NDUFAF2: variants seen among roughly 807,000 people sequenced by gnomAD.
The protein encoded by NDUFAF2 is NADH dehydrogenase [ubiquinone] 1 alpha subcomplex assembly factor 2.
NDUFAF2 carries 13 observed loss-of-function variants against 22.8 expected under a neutral mutation model. The observed-to-expected ratio is 0.57, with a 90% CI of 0.37 to 0.91. NDUFAF2 has a LOEUF of 0.91. Among genes scored for constraint, NDUFAF2 ranks in the 40% least tolerant of loss-of-function variants. NDUFAF2 has a pLI of 0.01. For missense variants in NDUFAF2, 162 were observed against 195.2 expected, an observed-to-expected ratio of 0.83 and a Z score of 1.01; for synonymous variants, 53 against 64.2, an observed-to-expected ratio of 0.83 and a Z score of 0.84.
intron 3 of NDUFAF2, among the ~76,000 whole-genome samples, chr5:61,105,377 A>G (rs1485808696): frequency 2.6e-5 from 4 of 151,286 alleles, no homozygotes; most frequent in African/African-American, 4.9e-5. Flanking sequence ...CATTTTATGT[A>G]TAGAATCCTA....
In NDUFAF2 at chr5:60,982,431, GGTACAT is replaced by G. The variant is rs202016086; in HGVS notation, c.127+37055_127+37060del. ...TTTTTTGTTATACTTTAAGTTTTAG[GGTACAT>G]GTACACAACGTACAGGTTTGTTACA... On this transcript the variant is annotated intron_variant, in intron 1 of 3. Transcript: ENST00000296597. 2.7e-3 allele frequency among the ~76,000 whole-genome samples: 407 copies of G among 151,698 alleles called. 17 individuals are homozygous for G. The East Asian group carries it at 0.074, about 28-fold the overall frequency.
intron 1 of NDUFAF2, among the ~76,000 whole-genome samples, chr5:60,994,792 C>G (rs923677232): frequency 2.0e-5 from 3 of 152,148 alleles, no homozygotes. Flanking sequence ...ACTTTTATCT[C>G]TTTCTGCCTC....
chr5:61,090,677 T>C (rs1752555407), intron 2 of NDUFAF2, among the ~76,000 whole-genome samples: 1 of 152,068 alleles, frequency 6.6e-6, no homozygotes, highest in Non-Finnish European at 1.5e-5. Context: ...CATAAGTAAC[T>C]TTATTTTTAA....
At chr5:60,960,651 A>G (rs1307385183) in intron 1 of NDUFAF2, among the ~76,000 whole-genome samples, 2 of 152,204 alleles carry the variant, frequency 1.3e-5, no homozygotes, top group African/African-American at 4.8e-5. Flanking sequence ...GTATCTTCAG[A>G]ACTATATGTC....
At chr5:61,088,136 A>G (rs1010157673) in intron 2 of NDUFAF2, among the ~76,000 whole-genome samples, 5 of 152,068 alleles carry the variant, frequency 3.3e-5, no homozygotes, top group Non-Finnish European at 5.9e-5. Flanking sequence ...GTTGTTGGCC[A>G]AAGACCACAC....
At chr5:61,131,384 G>A (rs1753110394) in intron 3 of NDUFAF2, among the ~76,000 whole-genome samples, 1 of 151,510 alleles carries the variant, frequency 6.6e-6, no homozygotes, top group Non-Finnish European at 1.5e-5. Flanking sequence ...TGTTTTTTAT[G>A]TTTGTTGTAG....
intron 1 of NDUFAF2, among the ~76,000 whole-genome samples, chr5:60,946,608 G>A (rs1489654143): frequency 6.6e-6 from 1 of 152,160 alleles, no homozygotes; most frequent in Non-Finnish European, 1.5e-5. Context: ...TCCATAAGTT[G>A]TCAGTAAAAT....
intron 3 of NDUFAF2, among the ~76,000 whole-genome samples, chr5:61,136,037 A>C (rs1368167054): frequency 3.2e-5 from 3 of 94,676 alleles, no homozygotes; most frequent in African/African-American, 1.2e-4. Context: ...ATATATATAT[A>C]TATATCTAGG....
intron 2 of NDUFAF2, among the ~76,000 whole-genome samples, chr5:61,075,468 A>G (rs1285784011): frequency 6.6e-6 from 1 of 152,198 alleles, no homozygotes; most frequent in Non-Finnish European, 1.5e-5. Flanking sequence ...TATAAACTAC[A>G]TTTACAATTC....
chr5:61,128,486 A>C (rs1257305687), intron 3 of NDUFAF2, among the ~76,000 whole-genome samples: 30 of 152,338 alleles, frequency 2.0e-4, no homozygotes, highest in Admixed American at 1.6e-3. Flanking sequence ...GCCCTCAGAA[A>C]TAATACCACA....
At chr5:61,034,791 C>G (rs1751774743) in intron 1 of NDUFAF2, among the ~76,000 whole-genome samples, 1 of 151,996 alleles carries the variant, frequency 6.6e-6, no homozygotes, top group Admixed American at 6.6e-5. Context: ...ACCAGAAAGA[C>G]TAAATCTCAG....
intron 1 of NDUFAF2, among the ~76,000 whole-genome samples, chr5:60,989,576 C>T (rs1382959515): frequency 2.0e-5 from 3 of 152,176 alleles, no homozygotes; most frequent in East Asian, 1.9e-4. Context: ...TCATAAAAAA[C>T]AAGATCATGT....
chr5:60,948,739 A>G (rs1486291487), intron 1 of NDUFAF2, among the ~76,000 whole-genome samples: 1 of 152,166 alleles, frequency 6.6e-6, no homozygotes, highest in African/African-American at 2.4e-5. Flanking sequence ...GTTAGGGGTT[A>G]TTACAAATAA....
intron 3 of NDUFAF2, among the ~76,000 whole-genome samples, chr5:61,117,023 G>A (rs1382641027): frequency 6.6e-6 from 1 of 152,154 alleles, no homozygotes. Flanking sequence ...CTTGTTGACA[G>A]TGTTTACTCA....
At chr5:61,020,844 T>C (rs1376098556) in intron 1 of NDUFAF2, among the ~76,000 whole-genome samples, 1 of 151,980 alleles carries the variant, frequency 6.6e-6, no homozygotes, top group African/African-American at 2.4e-5. Flanking sequence ...TACAGGTGTG[T>C]ACCACCACGC....
intron 1 of NDUFAF2, among the ~76,000 whole-genome samples, chr5:60,981,693 T>G (rs1422191087): frequency 6.6e-6 from 1 of 152,122 alleles, no homozygotes; most frequent in Non-Finnish European, 1.5e-5. Flanking sequence ...GGGGAGACAG[T>G]GTAAAGTTTT....
chr5:60,985,072 G>T (rs566049501), intron 1 of NDUFAF2, among the ~76,000 whole-genome samples: 196 of 152,276 alleles, frequency 1.3e-3, no homozygotes, highest in African/African-American at 4.3e-3. Flanking sequence ...CAATTTCAGA[G>T]CCTGTTATTG....
intron 1 of NDUFAF2, among the ~76,000 whole-genome samples, chr5:60,995,692 T>C (rs558647142): frequency 2.0e-5 from 3 of 152,318 alleles, no homozygotes; most frequent in African/African-American, 7.2e-5. Context: ...GCTACACTAC[T>C]GCCTATATGT....
intron 1 of NDUFAF2, among the ~76,000 whole-genome samples, chr5:60,994,292 C>A (rs1319697147): frequency 6.6e-6 from 1 of 152,220 alleles, no homozygotes; most frequent in Non-Finnish European, 1.5e-5. Flanking sequence ...AGATGCCCGG[C>A]TCTGTAACTG....
Sources: gnomAD v4.1 joint callset for allele counts (sites outside exome capture counted in the v4.1 genomes callset) on GRCh38, gnomAD v4.1.1 for gene constraint, MANE v1.5 for transcripts, NCBI Gene and HGNC (gene_info 2026-07-23, HGNC 2026-07-21) for gene names.